The following CACNG1 variants were observed in gnomAD, a reference collection of about 807,000 sequenced individuals.
The protein encoded by CACNG1 is voltage-dependent calcium channel gamma-1 subunit.
Under a neutral mutation model 22.0 loss-of-function variants are expected in CACNG1, and 21 were observed. The observed-to-expected ratio is 0.95, with a 90% CI of 0.68 to 1.37. The LOEUF (loss-of-function observed/expected upper bound fraction) is 1.37. Ranked by LOEUF, CACNG1 falls within the 40% of genes most tolerant of loss-of-function variation. The probability of loss-of-function intolerance (pLI) is 0.00; values close to 1 mark genes in which losing one functional copy is unlikely to be tolerated. For missense variants in CACNG1, 291 were observed against 308.6 expected, an observed-to-expected ratio of 0.94 and a Z score of 0.43; for synonymous variants, 127 against 129.2, an observed-to-expected ratio of 0.98 and a Z score of 0.12.
intron 1 of CACNG1, among the ~76,000 whole-genome samples, chr17:67,050,829 C>T (rs2035723842): frequency 6.6e-6 from 1 of 152,146 alleles, no homozygotes; most frequent in Admixed American, 6.5e-5. Flanking sequence ...CTGAGTTCAC[C>T]ATATTTTTAA....
chr17:67,052,475 T>C (rs192962662), intron 1 of CACNG1, among the ~76,000 whole-genome samples: 7 of 152,276 alleles, frequency 4.6e-5, no homozygotes, highest in Non-Finnish European at 5.9e-5. Flanking sequence ...AAGAAAAGCC[T>C]TGGTATCACT....
chr17:67,052,223 C>T (rs2143415407), intron 1 of CACNG1, among the ~76,000 whole-genome samples: 1 of 152,276 alleles, frequency 6.6e-6, no homozygotes, highest in Admixed American at 6.5e-5. Flanking sequence ...CAGTCAGACA[C>T]CCCAGGTAAC....
Position 67,054,169 on chromosome 17 carries a change from A to T in CACNG1, c.304+99A>T. The T allele has an allele frequency of 1.1e-6, 1 of 935,758 alleles. No homozygotes were observed. The highest frequency in any genetic ancestry group is 1.3e-5 in the South Asian group (1 of 74,610). 58.0% of individuals were successfully genotyped at this position (935,758 alleles called of 1,614,324 possible). A position where few individuals can be genotyped will look rare whatever the true frequency, so the allele number is the denominator to read the frequency against. ...CATTGGCAAAAGCACTGACTTCCTC[A>T]CGCCTGATGAGAAGAAGCCTGTGGT... On this transcript the variant is annotated intron_variant, in intron 2 of 3. Coordinates refer to ENST00000226021, the MANE Select transcript of CACNG1 (RefSeq NM_000727.4). This position sits in a 1 kb window ranked among gnomAD's most constrained non-coding sequence, Gnocchi z 4.6.
intron 1 of CACNG1, among the ~76,000 whole-genome samples, chr17:67,046,155 C>A (rs750649368): frequency 6.6e-6 from 1 of 152,216 alleles, no homozygotes; most frequent in Non-Finnish European, 1.5e-5. Context: ...CAAAGCTCAT[C>A]TCAGCCTCTG....
At position 67,044,588 on chromosome 17, in the gene CACNG1, C is replaced by T. The variant is rs1191794040; in HGVS notation, c.-73C>T. ...TCGACAACCACTGCCACCCCCCAAG[C>T]TCGGCTTGTCACCTGCCCTAGGAGA... On this transcript the variant is annotated 5_prime_UTR_variant, in exon 1 of 4. Coordinates refer to ENST00000226021, the MANE Select transcript of CACNG1 (RefSeq NM_000727.4). This position sits in a 1 kb window ranked among gnomAD's most constrained non-coding sequence, Gnocchi z 6.9. 1 of 987,792 alleles carries T rather than the reference C, an allele frequency of 1.0e-6. No individual in the cohort carries two copies. Among genetic ancestry groups the T allele is most frequent in the Admixed American group, 1.8e-5 (1 of 56,300 alleles). The allele number at this position is 987,792 out of a possible 1,614,324, so 61.2% of individuals were successfully genotyped here. A position where few individuals can be genotyped will look rare whatever the true frequency, so the allele number is the denominator to read the frequency against.
In CACNG1 at chr17:67,054,526, G is replaced by A. The variant is rs1567767238; in HGVS notation, c.304+456G>A. On this transcript the variant is annotated intron_variant, in intron 2 of 3. Coordinates refer to ENST00000226021, the MANE Select transcript of CACNG1 (RefSeq NM_000727.4). This position sits in a 1 kb window ranked among gnomAD's most constrained non-coding sequence, Gnocchi z 4.6. The stretch of plus-strand genomic sequence containing the variant: ...TTTTCAGGATCCGCAGAGCTCAGAC[G>A]CACACCCATTGTCGGGAGTACAGAC... Among the ~76,000 whole-genome samples, 2 of 152,136 alleles carry A rather than the reference G, an allele frequency of 1.3e-5. No individual in the cohort carries two copies. Among genetic ancestry groups the A allele is most frequent in the South Asian group, 2.1e-4 (1 of 4,828 alleles).
Position 67,044,869 on chromosome 17 carries a change from G to C in CACNG1, c.209G>C (p.Gly70Ala). ...RIPMDDSKTC[G>A]PITLPGEKNC... ...CCCATGGACGACAGCAAGACCTGCG[G>C]GCCCATCACCCTGCCCGGGGGTAAC... is the stretch of plus-strand genomic sequence containing the variant. The change falls in exon 1 of 4, where the codon GGG (glycine) becomes GCG (alanine). Residue 70 changes from glycine (G) to alanine (A), a missense_variant. Physicochemically the swap from Gly to Ala is moderately conservative, Grantham distance 60. Coordinates refer to ENST00000226021, the MANE Select transcript of CACNG1 (RefSeq NM_000727.4). The surrounding 1 kb of genome is among the most constrained non-coding windows in gnomAD (Gnocchi z 6.9). The C allele has an allele frequency of 5.6e-6, 9 of 1,613,050 alleles. 1 individual carries two copies. The South Asian group carries it at 9.9e-5, about 18-fold the overall frequency.
chr17:67,053,596 C>A (rs576452102), intron 1 of CACNG1, among the ~76,000 whole-genome samples: 1 of 152,366 alleles, frequency 6.6e-6, no homozygotes, highest in African/African-American at 2.4e-5. Flanking sequence ...CAGGCATCGC[C>A]AAGTGTCCCC....
rs552593655 is a variant in CACNG1 at position 67,055,044 on chromosome 17, G to A, written c.305-59G>A. The A allele has an allele frequency of 2.7e-5, 43 of 1,565,058 alleles. No individual in the cohort carries two copies. The African/African-American group carries it at 3.0e-4, about 11-fold the overall frequency. Reference sequence around the variant, plus strand: ...TGTGGTGCATGGTGTGGTCCCTAACGAGCCATGACAAGAGCTCCCATGCTG... The same window carrying A: ...TGTGGTGCATGGTGTGGTCCCTAACAAGCCATGACAAGAGCTCCCATGCTG... On this transcript the variant is annotated intron_variant, in intron 2 of 3. Coordinates refer to ENST00000226021, the MANE Select transcript of CACNG1 (RefSeq NM_000727.4). The surrounding 1 kb of genome is among the most constrained non-coding windows in gnomAD (Gnocchi z 4.5).
rs992661231 is a variant in CACNG1 at position 67,054,743 on chromosome 17, T to C, written c.305-360T>C. ...ACACAGTGACACAGACACACACTGA[T>C]ACACATGCATGATGACACACAAAAT... On this transcript the variant is annotated intron_variant, in intron 2 of 3. Coordinates refer to ENST00000226021, the MANE Select transcript of CACNG1 (RefSeq NM_000727.4). The surrounding 1 kb of genome is among the most constrained non-coding windows in gnomAD (Gnocchi z 4.6). 1.4e-5 allele frequency among the ~76,000 whole-genome samples: 2 copies of C among 142,242 alleles called. No homozygotes were observed. The highest frequency in any genetic ancestry group is 7.0e-5 in the Admixed American group (1 of 14,198). The allele number at this position is 142,242 out of a possible 152,430, so 93.3% of individuals were successfully genotyped here.
At chr17:67,045,321 C>T (rs941613880) in intron 1 of CACNG1, among the ~76,000 whole-genome samples, 8 of 152,066 alleles carry the variant, frequency 5.3e-5, no homozygotes, top group African/African-American at 9.7e-5. Context: ...AGAGCATAGG[C>T]GATGGAATTT....
At chr17:67,052,802 T>A (rs2035735691) in intron 1 of CACNG1, among the ~76,000 whole-genome samples, 1 of 147,412 alleles carries the variant, frequency 6.8e-6, no homozygotes, top group Admixed American at 6.8e-5. Flanking sequence ...TGAGACAGAG[T>A]CCCACTCTGT....
At chr17:67,050,408 C>T (rs564171523) in intron 1 of CACNG1, among the ~76,000 whole-genome samples, 2 of 152,362 alleles carry the variant, frequency 1.3e-5, no homozygotes, top group East Asian at 3.9e-4. Context: ...GAAGGAGACA[C>T]AGCCCAGAGA....
chr17:67,047,869 C>T (rs2035706078), intron 1 of CACNG1, among the ~76,000 whole-genome samples: 1 of 152,046 alleles, frequency 6.6e-6, no homozygotes, highest in African/African-American at 2.4e-5. Context: ...CCTAAGCACT[C>T]TCTGCCTTAT....
chr17:67,054,720 A>C lies in CACNG1; in HGVS notation c.305-383A>C, dbSNP rs2035748816. 9.2e-6 allele frequency among the ~76,000 whole-genome samples: 1 copy of C among 108,572 alleles called. No homozygotes were observed. Among genetic ancestry groups the C allele is most frequent in the African/African-American group, 2.7e-5 (1 of 37,120 alleles). The allele number at this position is 108,572 out of a possible 152,430, so 71.2% of individuals were successfully genotyped here. A position where few individuals can be genotyped will look rare whatever the true frequency, so the allele number is the denominator to read the frequency against. On this transcript the variant is annotated intron_variant, in intron 2 of 3. Coordinates refer to ENST00000226021, the MANE Select transcript of CACNG1 (RefSeq NM_000727.4). The surrounding 1 kb of genome is among the most constrained non-coding windows in gnomAD (Gnocchi z 4.6). ...CGCATGATGACACACAAAATGACACACAGTGACACAGACACACACTGATAC... is the reference window on the plus strand; with the variant it reads ...CGCATGATGACACACAAAATGACACCCAGTGACACAGACACACACTGATAC...
intron 1 of CACNG1, among the ~76,000 whole-genome samples, chr17:67,052,903 G>A (rs193265116): frequency 7.0e-4 from 106 of 152,010 alleles, no homozygotes; most frequent in African/African-American, 2.4e-3. Context: ...GCCTTCTAAA[G>A]TGCTGGGATT....
chr17:67,050,238 C>T (rs2035720782), intron 1 of CACNG1, among the ~76,000 whole-genome samples: 1 of 152,250 alleles, frequency 6.6e-6, no homozygotes, highest in Admixed American at 6.5e-5. Flanking sequence ...ACTACTGACC[C>T]CAGGAATTTC....
chr17:67,055,257 G>A lies in CACNG1; in HGVS notation c.442+17G>A, dbSNP rs558109810. On this transcript the variant is annotated intron_variant, in intron 3 of 3. Coordinates refer to ENST00000226021, the MANE Select transcript of CACNG1 (RefSeq NM_000727.4). The surrounding 1 kb of genome is among the most constrained non-coding windows in gnomAD (Gnocchi z 4.5). ...CCTTTGCAGGTAGACTGGGGGATCT[G>A]CCTGAGCGCCGGGGCCGGGGGACCA... is the stretch of plus-strand genomic sequence containing the variant. 1.2e-6 allele frequency: 2 copies of A among 1,606,036 alleles called. No individual in the cohort carries two copies. The highest frequency in any genetic ancestry group is 2.2e-5 in the South Asian group (2 of 90,554).
chr17:67,054,835 CACTG>C lies in CACNG1; in HGVS notation c.305-265_305-262del, dbSNP rs2035750353. On this transcript the variant is annotated intron_variant, in intron 2 of 3. Transcript: ENST00000226021. This position sits in a 1 kb window ranked among gnomAD's most constrained non-coding sequence, Gnocchi z 4.6. ...ACAATGACACAGACACAGAGACACA[CACTG>C]ACACACACGTACAATGACAGACACA... Among the ~76,000 whole-genome samples the C allele has an allele frequency of 6.6e-6, 1 of 151,786 alleles. No individual in the cohort carries two copies. Among genetic ancestry groups the C allele is most frequent in the Admixed American group, 6.6e-5 (1 of 15,236 alleles).
Sources: gnomAD v4.1 joint callset for allele counts (sites outside exome capture counted in the v4.1 genomes callset) on GRCh38, gnomAD v4.1.1 for gene constraint, Gnocchi (gnomAD v3.1) non-coding constraint, MANE v1.5 for transcripts, NCBI Gene and HGNC (gene_info 2026-07-23, HGNC 2026-07-21) for gene names.